SIDT2: variants seen among roughly 807,000 people sequenced by gnomAD.
SIDT2 encodes SID1 transmembrane family, member 2.
In SIDT2, 68 loss-of-function variants were observed where a neutral mutation model predicts 114.4. The observed-to-expected ratio is 0.59, with a 90% CI of 0.49 to 0.73. The LOEUF (loss-of-function observed/expected upper bound fraction) is 0.73, where lower values mean the gene tolerates loss of function less well. SIDT2 is among the 30% of genes least tolerant of loss of function. The pLI is 0.00. For synonymous variants in SIDT2, 470 were observed against 438.4 expected (o/e 1.07, Z -0.90); for missense variants, 918 against 1,097.1 (o/e 0.84, Z 2.31).
Position 117,178,825 on chromosome 11 carries a change from G to T in SIDT2, c.-439G>T. 1 of 174,436 alleles carries T rather than the reference G, an allele frequency of 5.7e-6. No individual in the cohort carries two copies. Among genetic ancestry groups the T allele is most frequent in the Non-Finnish European group, 1.2e-5 (1 of 81,200 alleles). 10.8% of individuals were successfully genotyped at this position (174,436 alleles called of 1,614,324 possible). A position where few individuals can be genotyped will look rare whatever the true frequency, so the allele number is the denominator to read the frequency against. ...AAACTCGCAGCCCAGCACGGCGTCG[G>T]GTAGCTACCACCTATCACGCCCCTC... On this transcript the variant is annotated 5_prime_UTR_variant, in exon 1 of 26. Coordinates refer to ENST00000324225, the MANE Select transcript of SIDT2 (RefSeq NM_001040455.2).
In SIDT2 at chr11:117,186,651, C is replaced by T; in HGVS notation, c.1015+15C>T. 1 of 1,549,646 alleles carries T rather than the reference C, an allele frequency of 6.5e-7. No homozygotes were observed. Among genetic ancestry groups the T allele is most frequent in the Non-Finnish European group, 8.7e-7 (1 of 1,152,732 alleles). Reference sequence around the variant, plus strand: ...CCCAGAAAGCGGTACCTCCAGGGGGCCTGGGTGGGGCGGGCACAGTGTGCT... The same window carrying T: ...CCCAGAAAGCGGTACCTCCAGGGGGTCTGGGTGGGGCGGGCACAGTGTGCT... On this transcript the variant is annotated intron_variant, in intron 10 of 25. Coordinates refer to ENST00000324225, the MANE Select transcript of SIDT2 (RefSeq NM_001040455.2).
chr11:117,188,617 C>A lies in SIDT2; in HGVS notation c.1160-91C>A. ...CCCACAATTTGCCTCTTCCCTACTG[C>A]CTAATAATTGTTACAATTGCCTCAG... On this transcript the variant is annotated intron_variant, in intron 12 of 25. Transcript: ENST00000324225. The surrounding 1 kb of genome is among the most constrained non-coding windows in gnomAD (Gnocchi z 4.0). 1 of 1,017,988 alleles carries A rather than the reference C, an allele frequency of 9.8e-7. No individual in the cohort carries two copies. The highest frequency in any genetic ancestry group is 1.5e-6 in the Non-Finnish European group (1 of 647,216). The allele number at this position is 1,017,988 out of a possible 1,614,324, so 63.1% of individuals were successfully genotyped here.
At chr11:117,195,968 T>A in intron 25 of SIDT2, 36 bp from the exon 26 acceptor site, 1 of 1,614,170 alleles carries the variant, frequency 6.2e-7, no homozygotes, top group South Asian at 1.1e-5. Context: ...AGCAGCTGCC[T>A]CCTTCTCTGT....
At chr11:117,193,732 A>G in intron 23 of SIDT2, 121 bp from the exon 24 acceptor site, 1 of 675,098 alleles carries the variant, frequency 1.5e-6, no homozygotes, top group Middle Eastern at 4.0e-4. Context: ...TATGAATCCA[A>G]GGAGCAGTCC....
chr11:117,183,464 C>T (rs1240477954), intron 6 of SIDT2, among the ~76,000 whole-genome samples: 4 of 152,028 alleles, frequency 2.6e-5, no homozygotes, highest in African/African-American at 7.2e-5. Context: ...ATGGTGAAAC[C>T]CCATCTCTAC....
rs752256864 is a variant in SIDT2 at position 117,184,094 on chromosome 11, C to T, written c.823C>T (p.His275Tyr). 18 of 1,614,182 alleles carry T rather than the reference C, an allele frequency of 1.1e-5. No individual in the cohort carries two copies. Among genetic ancestry groups the T allele is most frequent in the Admixed American group, 5.0e-5 (3 of 60,024 alleles). ...TCCAGATGAACCGGTCGATCAAGGG[C>T]ACCGCCAGAAAACCCTGTCAGTGCT... ...FAEDEPVDQG[H>Y]RQKTLSVLVS... The change falls in exon 8 of 26, where the codon CAC becomes TAC. Residue 275 changes from histidine to tyrosine, a missense_variant. His to Tyr is a moderately conservative substitution (Grantham distance 83). Coordinates refer to ENST00000324225, the MANE Select transcript of SIDT2 (RefSeq NM_001040455.2).
intron 6 of SIDT2, among the ~76,000 whole-genome samples, chr11:117,183,018 C>G (rs184173060): frequency 1.3e-5 from 2 of 152,142 alleles, no homozygotes; most frequent in Non-Finnish European, 2.9e-5. Flanking sequence ...TAGAGTACCC[C>G]CTTCTGGCTG....
chr11:117,186,441 C>T, intron 9 of SIDT2, 143 bp from the exon 10 acceptor site: 3 of 960,784 alleles, frequency 3.1e-6, no homozygotes, highest in Non-Finnish European at 4.8e-6. Flanking sequence ...TGCTCCCCAG[C>T]CTGTGAGGAA....
chr11:117,178,980 G>A lies in SIDT2; in HGVS notation c.-284G>A, dbSNP rs937460936. ...CACGGCCCTGGCCCGGGGCTCCAGG[G>A]TCTCAGGTCGTACTCAGCCCCTCGC... On this transcript the variant is annotated 5_prime_UTR_variant, in exon 1 of 26. Coordinates refer to ENST00000324225, the MANE Select transcript of SIDT2 (RefSeq NM_001040455.2). 9 of 445,568 alleles carry A rather than the reference G, an allele frequency of 2.0e-5. No homozygotes were observed. Among genetic ancestry groups the A allele is most frequent in the East Asian group, 1.3e-4 (3 of 23,662 alleles). The allele number at this position is 445,568 out of a possible 1,614,324, so 27.6% of individuals were successfully genotyped here. A position where few individuals can be genotyped will look rare whatever the true frequency, so the allele number is the denominator to read the frequency against.
intron 24 of SIDT2, 157 bp downstream of exon 24, chr11:117,194,120 G>A: frequency 3.5e-6 from 2 of 570,858 alleles, no homozygotes; most frequent in Non-Finnish European, 6.2e-6. Context: ...GGGCAATATA[G>A]TAAGAACCCG....
chr11:117,182,793 C>A lies in SIDT2; in HGVS notation c.689C>A (p.Ala230Asp). 6.2e-7 allele frequency: 1 copy of A among 1,613,864 alleles called. No individual in the cohort carries two copies. ...TACCAGACGATGACCAAGAAGGCGGCCATCACCGTACAGGTAGGAAATGCA... is the reference window on the plus strand; with the variant it reads ...TACCAGACGATGACCAAGAAGGCGGACATCACCGTACAGGTAGGAAATGCA... ...GMYQTMTKKA[A>D]ITVQRKDFPS... Residue 230 changes from alanine to aspartate, a missense_variant, in exon 6 of 26, where the codon GCC (alanine) becomes GAC (aspartate). By Grantham distance (126) the Ala-to-Asp change is moderately radical. Around this residue, in one of 4 missense-constraint regions of SIDT2, gnomAD observed 553 missense variants for 600.1 expected, o/e 0.92. Transcript: ENST00000324225.
At chr11:117,180,388 T>C (rs912895557) in intron 1 of SIDT2, among the ~76,000 whole-genome samples, 1 of 152,088 alleles carries the variant, frequency 6.6e-6, no homozygotes, top group Non-Finnish European at 1.5e-5. Flanking sequence ...TGGTTTTTAC[T>C]CTTTTGGGAA....
At position 117,179,125 on chromosome 11, in the gene SIDT2, T is replaced by G. The variant is rs2030145299; in HGVS notation, c.-139T>G. The G allele has an allele frequency of 4.9e-6, 4 of 822,458 alleles. No individual in the cohort carries two copies. The highest frequency in any genetic ancestry group is 7.4e-6 in the Non-Finnish European group (4 of 537,740). 50.9% of individuals were successfully genotyped at this position (822,458 alleles called of 1,614,324 possible). ...GCTCTTGGGAGGGGACATTTCCTAA[T>G]CTCAGGCCGGGGTTAAAGTTCTGGT... On this transcript the variant is annotated 5_prime_UTR_variant, in exon 1 of 26. Coordinates refer to ENST00000324225, the MANE Select transcript of SIDT2 (RefSeq NM_001040455.2).
At position 117,181,838 on chromosome 11, in the gene SIDT2, G is replaced by A. The variant is rs1349966220; in HGVS notation, c.337G>A (p.Glu113Lys). The change falls in exon 3 of 26, where the codon GAA (glutamate) becomes AAA (lysine). Residue 113 changes from glutamate (E) to lysine (K), a missense_variant. Glu to Lys is a moderately conservative substitution (Grantham distance 56). Coordinates refer to ENST00000324225, the MANE Select transcript of SIDT2 (RefSeq NM_001040455.2). Reference protein sequence around the residue: ...FQRKYLYQKVERTLCQPPTKN... With the variant: ...FQRKYLYQKVKRTLCQPPTKN... ...GCGCAAGTACCTCTACCAAAAAGTGGAACGAACCCTGTGTCAGCCCCCCAC... is the reference window on the plus strand; with the variant it reads ...GCGCAAGTACCTCTACCAAAAAGTGAAACGAACCCTGTGTCAGCCCCCCAC... The A allele has an allele frequency of 6.2e-7, 1 of 1,614,166 alleles. No homozygotes were observed. The highest frequency in any genetic ancestry group is 8.5e-7 in the Non-Finnish European group (1 of 1,180,028).
At position 117,192,326 on chromosome 11, in the gene SIDT2, A is replaced by T; in HGVS notation, c.1945A>T (p.Ser649Cys). 1.2e-6 allele frequency: 2 copies of T among 1,610,860 alleles called. No homozygotes were observed. The highest frequency in any genetic ancestry group is 1.7e-6 in the Non-Finnish European group (2 of 1,177,220). ...IIHIIATLLL[S>C]TQLYYMGRWK... is the part of the protein sequence containing the mutation. ...TCACATCATCGCCACCCTGCTCCTC[A>T]GCACGCAGCTCTATTACATGGGCCG... The change falls in exon 20 of 26, where the codon AGC becomes TGC. Residue 649 changes from serine to cysteine, a missense_variant. Ser to Cys is a moderately radical substitution (Grantham distance 112). Coordinates refer to ENST00000324225, the MANE Select transcript of SIDT2 (RefSeq NM_001040455.2). The surrounding 1 kb of genome is among the most constrained non-coding windows in gnomAD (Gnocchi z 5.9).
chr11:117,189,173 A>C lies in SIDT2; in HGVS notation c.1283A>C (p.Tyr428Ser). 6.2e-7 allele frequency: 1 copy of C among 1,614,132 alleles called. No individual in the cohort carries two copies. The highest frequency in any genetic ancestry group is 8.5e-7 in the Non-Finnish European group (1 of 1,180,010). Residue 428 changes from tyrosine to serine, a missense_variant, in exon 14 of 26, where the codon TAC (tyrosine) becomes TCC (serine). Tyr to Ser is a moderately radical substitution (Grantham distance 144). Transcript: ENST00000324225. ...CTGATTCCAGCTTCTCCCCAGCAAT[A>C]CCTCTATGTGGCTGACCTGGCACGG... The part of the protein sequence containing the change: ...SDKNVIRTKQ[Y>S]LYVADLARKD...
At position 117,196,446 on chromosome 11, in the gene SIDT2, A is replaced by G. The variant is rs544989642; in HGVS notation, c.*380A>G. Reference sequence around the variant, plus strand: ...CATTTTGCCCGTCCTCCTCCCCACAATGCCCCAGCCTGGGACCTAAGGCCT... The same window carrying G: ...CATTTTGCCCGTCCTCCTCCCCACAGTGCCCCAGCCTGGGACCTAAGGCCT... On this transcript the variant is annotated 3_prime_UTR_variant, in exon 26 of 26. Transcript: ENST00000324225. This position sits in a 1 kb window ranked among gnomAD's most constrained non-coding sequence, Gnocchi z 4.9. The G allele has an allele frequency of 5.0e-5, 13 of 259,904 alleles. No individual in the cohort carries two copies. Among genetic ancestry groups the G allele is most frequent in the African/African-American group, 1.6e-4 (7 of 45,108 alleles). The allele number at this position is 259,904 out of a possible 1,614,324, so 16.1% of individuals were successfully genotyped here.
Position 117,193,970 on chromosome 11 carries a change from ACT to A in SIDT2, c.2322+9_2322+10del. On this transcript the variant is annotated splice_region_variant and intron_variant, in intron 24 of 25. Transcript: ENST00000324225. ...GGGACTCAGCACCTGGCAGGTGAGCACTCACCCTCAGGCTCCTTGTGAGCCAA... is the reference window on the plus strand; with the variant it reads ...GGGACTCAGCACCTGGCAGGTGAGCACACCCTCAGGCTCCTTGTGAGCCAA... 1 of 1,609,922 alleles carries A rather than the reference ACT, an allele frequency of 6.2e-7. No homozygotes were observed. The highest frequency in any genetic ancestry group is 1.1e-5 in the South Asian group (1 of 90,984).
intron 10 of SIDT2, 142 bp downstream of exon 10, chr11:117,186,778 G>A (rs902498982): frequency 1.8e-5 from 17 of 942,216 alleles, no homozygotes; most frequent in Non-Finnish European, 2.4e-5. Context: ...CCACAGATGG[G>A]AATGAGGCTG....
Sources: gnomAD v4.1 joint callset for allele counts (sites outside exome capture counted in the v4.1 genomes callset) on GRCh38, gnomAD v4.1.1 for gene constraint, gnomAD v4.1.1 regional missense constraint, Gnocchi (gnomAD v3.1) non-coding constraint, MANE v1.5 for transcripts, NCBI Gene and HGNC (gene_info 2026-07-23, HGNC 2026-07-21) for gene names.